Variants in FLI1 observed in about 807,000 individuals in gnomAD.
The protein encoded by FLI1 is Friend leukemia integration 1 transcription factor.
In FLI1, 13 loss-of-function variants were observed where a neutral mutation model predicts 53.1. The ratio of observed to expected loss-of-function variants is 0.24; its 90% confidence interval spans 0.16 to 0.39. FLI1 has a LOEUF of 0.39. Ranked by LOEUF, FLI1 falls within the 10% of genes least tolerant of loss-of-function variation. The pLI, the probability that FLI1 is intolerant of heterozygous loss-of-function variation, is 1.00. For synonymous variants in FLI1, 244 were observed against 236.7 expected (o/e 1.03, Z -0.28); for missense variants, 424 against 600.5 (o/e 0.71, Z 3.07).
intron 3 of FLI1, 21 bp downstream of exon 3, chr11:128,768,293 C>T: frequency 6.2e-7 from 1 of 1,602,286 alleles, no homozygotes; most frequent in Non-Finnish European, 8.5e-7. Flanking sequence ...AACCAGGCTG[C>T]CTGGGCGCCA....
At chr11:128,758,864 G>A (rs376766561) in intron 2 of FLI1, among the ~76,000 whole-genome samples, 73 of 152,302 alleles carry the variant, frequency 4.8e-4, no homozygotes, top group East Asian at 1.9e-3. Flanking sequence ...GGGTCAGTTC[G>A]GGCTTTGCTT....
intron 5 of FLI1, among the ~76,000 whole-genome samples, chr11:128,783,047 C>A (rs1941970053): frequency 6.6e-6 from 1 of 152,152 alleles, no homozygotes; most frequent in Admixed American, 6.5e-5. Flanking sequence ...TGAATAGGAG[C>A]TTGAAGAATA....
At chr11:128,770,098 G>T (rs2135837840) in intron 3 of FLI1, among the ~76,000 whole-genome samples, 1 of 152,306 alleles carries the variant, frequency 6.6e-6, no homozygotes, top group East Asian at 1.9e-4. Flanking sequence ...TCATTTTGGG[G>T]AAGGAATCTT....
At chr11:128,762,752 T>A (rs536534200) in intron 2 of FLI1, among the ~76,000 whole-genome samples, 1 of 152,102 alleles carries the variant, frequency 6.6e-6, no homozygotes, top group East Asian at 1.9e-4. Flanking sequence ...AGGTCGGGAG[T>A]TCGAGACCAG....
intron 1 of FLI1, among the ~76,000 whole-genome samples, chr11:128,738,811 C>T (rs1468605306): frequency 6.6e-6 from 1 of 152,186 alleles, no homozygotes; most frequent in Non-Finnish European, 1.5e-5. Context: ...AAGACATCTT[C>T]CCTTGATGTC....
chr11:128,718,940 G>A (rs1939133801), intron 1 of FLI1, among the ~76,000 whole-genome samples: 1 of 152,212 alleles, frequency 6.6e-6, no homozygotes, highest in African/African-American at 2.4e-5. Context: ...TGGACTTCCT[G>A]CTTTTAGCCT....
At chr11:128,775,729 G>A (rs2135850518) in intron 4 of FLI1, among the ~76,000 whole-genome samples, 1 of 152,350 alleles carries the variant, frequency 6.6e-6, no homozygotes, top group African/African-American at 2.4e-5. Flanking sequence ...AGAGTTTGAG[G>A]CGATGAGTCA....
chr11:128,730,519 C>T (rs796145794), intron 1 of FLI1, among the ~76,000 whole-genome samples: 5 of 152,296 alleles, frequency 3.3e-5, no homozygotes, highest in African/African-American at 9.6e-5. Flanking sequence ...AAAGTCACTT[C>T]CAAAGCAGTA....
At chr11:128,764,628 T>C in intron 2 of FLI1, 1 of 1,530,042 alleles carries the variant, frequency 6.5e-7, no homozygotes, top group East Asian at 2.5e-5. Flanking sequence ...CTCCCTCTTG[T>C]TTTCATCAAG....
chr11:128,782,041 T>G lies in FLI1; in HGVS notation c.655+18T>G, dbSNP rs767004987. 8.1e-6 allele frequency: 13 copies of G among 1,607,570 alleles called. No homozygotes were observed. Among genetic ancestry groups the G allele is most frequent in the Non-Finnish European group, 1.1e-5 (13 of 1,174,138 alleles). ...CAAAGAAGGTAAGTTTGTTCTTTTG[T>G]GCACTTAAAATTTTCTTCTGTACCA... On this transcript the variant is annotated intron_variant, in intron 5 of 8. Transcript: ENST00000527786.
chr11:128,780,923 T>G (rs986937768), intron 4 of FLI1, among the ~76,000 whole-genome samples: 27 of 152,292 alleles, frequency 1.8e-4, no homozygotes, highest in Middle Eastern at 6.8e-3. Context: ...TAAGATTTCC[T>G]TAGGAGAATC....
At chr11:128,710,014 G>T (rs1461734054) in intron 1 of FLI1, among the ~76,000 whole-genome samples, 1 of 152,208 alleles carries the variant, frequency 6.6e-6, no homozygotes, top group Non-Finnish European at 1.5e-5. Flanking sequence ...TTGCCTTGAA[G>T]ATGATCCTCT....
chr11:128,694,202 G>A lies in FLI1; in HGVS notation c.-57G>A, dbSNP rs942657889. On this transcript the variant is annotated 5_prime_UTR_variant, in exon 1 of 9. Transcript: ENST00000527786. ...CTAATCCGAAGGGGCTGCGAGGTCAGGCTGTAACCGGGTCAATGTGTGGAA... is the reference window on the plus strand; with the variant it reads ...CTAATCCGAAGGGGCTGCGAGGTCAAGCTGTAACCGGGTCAATGTGTGGAA... 5.3e-6 allele frequency: 8 copies of A among 1,517,932 alleles called. No individual in the cohort carries two copies. The African/African-American group carries it at 7.2e-5, about 14-fold the overall frequency. 94.0% of individuals were successfully genotyped at this position (1,517,932 alleles called of 1,614,324 possible). A position where few individuals can be genotyped will look rare whatever the true frequency, so the allele number is the denominator to read the frequency against.
At chr11:128,775,610 G>T (rs766406058) in intron 4 of FLI1, among the ~76,000 whole-genome samples, 3 of 152,206 alleles carry the variant, frequency 2.0e-5, no homozygotes, top group African/African-American at 7.2e-5. Flanking sequence ...GAACTCCCCC[G>T]TGACAACCAG....
At chr11:128,720,049 C>A (rs1939191495) in intron 1 of FLI1, among the ~76,000 whole-genome samples, 1 of 152,118 alleles carries the variant, frequency 6.6e-6, no homozygotes, top group African/African-American at 2.4e-5. Flanking sequence ...AATGTAAAAG[C>A]ACGCATAGTC....
At chr11:128,772,067 CACACACACACAT>C (rs145113259) in intron 3 of FLI1, among the ~76,000 whole-genome samples, 120 of 108,802 alleles carry the variant, frequency 1.1e-3, no homozygotes, top group African/African-American at 3.1e-3. Context: ...CACACACACA[CACACACACACAT>C]ACACACACTG....
intron 1 of FLI1, among the ~76,000 whole-genome samples, chr11:128,749,788 T>C (rs1223563390): frequency 1.3e-5 from 2 of 152,202 alleles, no homozygotes; most frequent in Non-Finnish European, 2.9e-5. Context: ...AAAATTTACC[T>C]CCTCTTCCCT....
chr11:128,694,205 T>G lies in FLI1; in HGVS notation c.-54T>G. 1 of 1,523,058 alleles carries G rather than the reference T, an allele frequency of 6.6e-7. No individual in the cohort carries two copies. Among genetic ancestry groups the G allele is most frequent in the Non-Finnish European group, 8.8e-7 (1 of 1,136,212 alleles). The allele number at this position is 1,523,058 out of a possible 1,614,324, so 94.3% of individuals were successfully genotyped here. A position where few individuals can be genotyped will look rare whatever the true frequency, so the allele number is the denominator to read the frequency against. On this transcript the variant is annotated 5_prime_UTR_variant, in exon 1 of 9. Coordinates refer to ENST00000527786, the MANE Select transcript of FLI1 (RefSeq NM_002017.5). ...ATCCGAAGGGGCTGCGAGGTCAGGCTGTAACCGGGTCAATGTGTGGAATAT... is the reference window on the plus strand; with the variant it reads ...ATCCGAAGGGGCTGCGAGGTCAGGCGGTAACCGGGTCAATGTGTGGAATAT...
intron 4 of FLI1, among the ~76,000 whole-genome samples, chr11:128,774,176 C>G (rs1043972153): frequency 6.6e-6 from 1 of 152,118 alleles, no homozygotes; most frequent in Non-Finnish European, 1.5e-5. Flanking sequence ...AGGGGCAACA[C>G]GTGCTGGCTG....
Sources: allele counts gnomAD v4.1 joint callset (sites outside exome capture counted in the v4.1 genomes callset), GRCh38; gene constraint gnomAD v4.1.1; transcripts MANE v1.5; gene names NCBI Gene and HGNC (gene_info 2026-07-23, HGNC 2026-07-21).